Variants in KLHL5 observed in about 807,000 individuals in gnomAD.
The protein encoded by KLHL5 is kelch like family member 5.
Under a neutral mutation model 77.7 loss-of-function variants are expected in KLHL5, and 48 were observed. The ratio of observed to expected loss-of-function variants is 0.62; its 90% CI spans 0.49 to 0.79. The LOEUF (loss-of-function observed/expected upper bound fraction) is 0.79. Among genes scored for constraint, KLHL5 ranks in the 30% least tolerant of loss-of-function variants. The pLI, the probability that KLHL5 is intolerant of heterozygous loss-of-function variation, is 0.00. For synonymous variants in KLHL5, 260 were observed against 297.0 expected, an observed-to-expected ratio of 0.88 and a Z score of 1.28; for missense variants, 723 against 859.7, an observed-to-expected ratio of 0.84 and a Z score of 1.99.
chr4:39,086,969 G>A (rs187264572), intron 5 of KLHL5, among the ~76,000 whole-genome samples: 1 of 137,920 alleles, frequency 7.3e-6, no homozygotes, highest in East Asian at 2.2e-4. Context: ...GGAGTGCAGT[G>A]GCATGATCTC....
At chr4:39,056,888 T>C (rs1717045131) in intron 1 of KLHL5, among the ~76,000 whole-genome samples, 1 of 152,248 alleles carries the variant, frequency 6.6e-6, no homozygotes, top group African/African-American at 2.4e-5. Context: ...AAGGTCTCTG[T>C]AAAATCTTCA....
At chr4:39,115,796 G>A in intron 10 of KLHL5, 2 of 1,027,596 alleles carry the variant, frequency 1.9e-6, no homozygotes, top group Non-Finnish European at 2.3e-6. Context: ...ATTACACTGA[G>A]TAAGAAACCT....
chr4:39,072,700 A>G (rs1250079576), intron 1 of KLHL5, among the ~76,000 whole-genome samples: 1 of 152,140 alleles, frequency 6.6e-6, no homozygotes, highest in Non-Finnish European at 1.5e-5. Flanking sequence ...GCTCACCAAT[A>G]CCTCCTTAAT....
chr4:39,090,005 T>A (rs1255199650), intron 5 of KLHL5, among the ~76,000 whole-genome samples: 1 of 152,196 alleles, frequency 6.6e-6, no homozygotes, highest in Non-Finnish European at 1.5e-5. Context: ...TTGTCAGGGT[T>A]GATTTTTTTT....
chr4:39,130,182 A>G (rs1577774964), downstream of KLHL5, among the ~76,000 whole-genome samples: 1 of 152,214 alleles, frequency 6.6e-6, no homozygotes, highest in Non-Finnish European at 1.5e-5. Flanking sequence ...ACAGAGATTT[A>G]CCCACATACT....
At chr4:39,091,996 T>A (rs1020874154) in intron 5 of KLHL5, among the ~76,000 whole-genome samples, 3 of 152,072 alleles carry the variant, frequency 2.0e-5, no homozygotes, top group Non-Finnish European at 4.4e-5. Context: ...CCAAAACATT[T>A]TTTTAACATC....
upstream of KLHL5, chr4:39,044,864 C>T: frequency 5.9e-6 from 5 of 850,580 alleles, no homozygotes; most frequent in Non-Finnish European, 7.1e-6. Context: ...CCCGCCCCCT[C>T]CGGGGCCACC....
At chr4:39,060,767 A>G (rs1219001988), upstream of KLHL5, among the ~76,000 whole-genome samples, 3 of 152,178 alleles carry the variant, frequency 2.0e-5, no homozygotes, top group African/African-American at 7.2e-5. Context: ...CAAAGGTGAG[A>G]GGAGAGGGGA....
rs1553893729 is a variant in KLHL5, at chr4:39,105,773, C to CACACAT, written c.1526-1795_1526-1794insCACATA. Among the ~76,000 whole-genome samples the CACACAT allele has an allele frequency of 1.4e-3, 193 of 140,690 alleles. 1 individual carries two copies. The highest frequency in any genetic ancestry group is 4.7e-3 in the African/African-American group (185 of 39,744). 92.3% of individuals were successfully genotyped at this position (140,690 alleles called of 152,430 possible). On this transcript the variant is annotated intron_variant, in intron 7 of 10. Coordinates refer to ENST00000504108, the MANE Select transcript of KLHL5 (RefSeq NM_015990.5). ...ACACACACACACACACACACACACA[C>CACACAT]ATAAAATCTCCAAAAGCTAGTACTG...
chr4:39,081,076 A>AT lies in KLHL5; in HGVS notation c.567-17dup, dbSNP rs750116500. 2.4e-3 allele frequency: 3,536 copies of AT among 1,459,826 alleles called. No individual in the cohort carries two copies. Among genetic ancestry groups the AT allele is most frequent in the South Asian group, 5.0e-3 (383 of 76,582 alleles). 90.4% of individuals were successfully genotyped at this position (1,459,826 alleles called of 1,614,324 possible). On this transcript the variant is annotated intron_variant, in intron 2 of 10. Coordinates refer to ENST00000504108, the MANE Select transcript of KLHL5 (RefSeq NM_015990.5). This position sits in a 1 kb window ranked among gnomAD's most constrained non-coding sequence, Gnocchi z 4.3. Reference sequence around the variant, plus strand: ...AACATCAACTCGAATGTGGTCATTGATTTTTTTTTTCCTAATGTGTTCACA... The same window carrying AT: ...AACATCAACTCGAATGTGGTCATTGATTTTTTTTTTTCCTAATGTGTTCACA...
chr4:39,103,625 A>G (rs1721790095), intron 7 of KLHL5, 114 bp downstream of exon 7: 2 of 780,036 alleles, frequency 2.6e-6, no homozygotes, highest in African/African-American at 3.4e-5. Context: ...AGCAGTCACC[A>G]AGCATTCCTC....
At chr4:39,120,866 G>T in intron 10 of KLHL5, 144 bp from the exon 11 acceptor site, 1 of 625,108 alleles carries the variant, frequency 1.6e-6, no homozygotes, top group Non-Finnish European at 2.8e-6. Flanking sequence ...AGGGGACCAG[G>T]CCAGAAACAG....
intron 1 of KLHL5, among the ~76,000 whole-genome samples, chr4:39,065,008 A>T (rs1034700921): frequency 1.3e-5 from 2 of 152,170 alleles, no homozygotes; most frequent in African/African-American, 4.8e-5. Context: ...ACTGTGAGAA[A>T]ATGTTTTTGA....
At chr4:39,084,924 C>T (rs1255150593) in intron 4 of KLHL5, among the ~76,000 whole-genome samples, 1 of 152,104 alleles carries the variant, frequency 6.6e-6, no homozygotes, top group Non-Finnish European at 1.5e-5. Context: ...ATACAGCTCC[C>T]TATAACTGAA....
At chr4:39,093,378 C>T (rs925352907) in intron 5 of KLHL5, 10 of 455,388 alleles carry the variant, frequency 2.2e-5, no homozygotes, top group Admixed American at 1.4e-4. Context: ...CATGTGGGAT[C>T]TAATTGAGGT....
Position 39,094,222 on chromosome 4 carries a change from G to A in KLHL5, c.1114-2470G>A, listed in dbSNP as rs76177359. 5.6e-3 allele frequency among the ~76,000 whole-genome samples: 846 copies of A among 151,996 alleles called. 9 individuals carry two copies. Among genetic ancestry groups the A allele is most frequent in the African/African-American group, 0.019 (802 of 41,506 alleles). ...GGTAAAGTAATAGGTTAATACAAGT[G>A]TAATCAGTAGATTTTCTCTCCTGCA... On this transcript the variant is annotated intron_variant, in intron 5 of 10. Coordinates refer to ENST00000504108, the MANE Select transcript of KLHL5 (RefSeq NM_015990.5).
chr4:39,051,420 T>G (rs1716636888), intron 1 of KLHL5, among the ~76,000 whole-genome samples: 1 of 151,938 alleles, frequency 6.6e-6, no homozygotes, highest in South Asian at 2.1e-4. Flanking sequence ...TGAGATTAGA[T>G]TCAGGTTGTA....
the KLHL5 span, among the ~76,000 whole-genome samples, chr4:39,136,754 G>A: frequency 7.2e-5 from 11 of 152,320 alleles, no homozygotes; most frequent in African/African-American, 2.4e-4. Flanking sequence ...GCCTGGGCAC[G>A]ATGGGGAAGG....
chr4:39,098,113 G>T (rs112697572), intron 6 of KLHL5, among the ~76,000 whole-genome samples: 2,977 of 147,366 alleles, frequency 0.02, 102 homozygotes, highest in African/African-American at 0.07. Context: ...TCCAGCCTGG[G>T]TGACAGAGCA....
Sources: gnomAD v4.1 joint callset for allele counts (sites outside exome capture counted in the v4.1 genomes callset) on GRCh38, gnomAD v4.1.1 for gene constraint, Gnocchi (gnomAD v3.1) non-coding constraint, MANE v1.5 for transcripts, NCBI Gene and HGNC (gene_info 2026-07-23, HGNC 2026-07-21) for gene names.